Variants in TRPM1 observed in about 807,000 individuals in gnomAD.
TRPM1 encodes the protein transient receptor potential cation channel subfamily M member 1.
TRPM1 carries 113 observed loss-of-function variants against 149.4 expected under a neutral mutation model. That is an observed-to-expected ratio of 0.76 (90% confidence interval 0.65 to 0.88). TRPM1 has a LOEUF of 0.88. Among genes scored for constraint, TRPM1 ranks in the 40% least tolerant of loss-of-function variants. The pLI is 0.00. For missense variants in TRPM1, 1,976 were observed against 2,038.7 expected (o/e 0.97, Z 0.59); for synonymous variants, 741 against 759.5 (o/e 0.98, Z 0.40).
In TRPM1 at chr15:31,032,812, C is replaced by T; in HGVS notation, c.2829G>A (p.Gln943=). Reference sequence around the variant, plus strand: ...TCACCCGGCCATAGCCCATGTAGGGCTGGTTCTGTAGGCGAAGAATTGCTC... The same window carrying T: ...TCACCCGGCCATAGCCCATGTAGGGTTGGTTCTGTAGGCGAAGAATTGCTC... ...MIGAILRLQN[Q]PYMGYGRVIY... Residue 943 remains glutamine (Q), a synonymous_variant, in exon 22 of 28, where the codon CAG becomes CAA. Coordinates refer to ENST00000256552, the MANE Select transcript of TRPM1 (RefSeq NM_001252024.2). The T allele has an allele frequency of 6.2e-7, 1 of 1,614,180 alleles. No homozygotes were observed. Among genetic ancestry groups the T allele is most frequent in the Non-Finnish European group, 8.5e-7 (1 of 1,180,038 alleles).
rs762677240 is a variant in TRPM1 at position 31,026,996 on chromosome 15, T to C, written c.3415A>G (p.Ile1139Val). 2 of 1,614,190 alleles carry C rather than the reference T, an allele frequency of 1.2e-6. No homozygotes were observed. The highest frequency in any genetic ancestry group is 2.2e-5 in the East Asian group (1 of 44,890). The change falls in exon 26 of 28, where the codon ATC (isoleucine) becomes GTC (valine). Residue 1139 changes from isoleucine to valine, a missense_variant. Physicochemically the swap from Ile to Val is conservative, Grantham distance 29. Transcript: ENST00000256552. The part of the protein sequence containing the change: ...LPPPMIILSH[I>V]YIIIMRLSGR... ...CTGAGACGCATAATGATGATGTAGA[T>C]GTGGCTTAAAATGATCATCGGTGGG...
intron 11 of TRPM1, chr15:31,060,258 TTTC>T (rs2034191045): frequency 1.2e-5 from 6 of 503,696 alleles, no homozygotes; most frequent in East Asian, 3.7e-5. Context: ...AGCTATTTTA[TTTC>T]TTCTTCTTTT....
chr15:31,081,255 A>G, intron 2 of TRPM1, 98 bp downstream of exon 2: 1 of 817,094 alleles, frequency 1.2e-6, no homozygotes, highest in Non-Finnish European at 2.0e-6. Flanking sequence ...GCTTCACTGG[A>G]AATCCGTCTT....
intron 1 of TRPM1, among the ~76,000 whole-genome samples, chr15:31,158,205 A>G (rs540778231): frequency 6.6e-6 from 1 of 152,278 alleles, no homozygotes; most frequent in African/African-American, 2.4e-5. Context: ...AAGTTTTTGT[A>G]GGAGTTTGGC....
intron 1 of TRPM1, among the ~76,000 whole-genome samples, chr15:31,084,013 G>A (rs1484614701): frequency 6.6e-6 from 1 of 152,094 alleles, no homozygotes; most frequent in Non-Finnish European, 1.5e-5. Flanking sequence ...TGCAGGAAAT[G>A]CTGGAGGTCG....
chr15:31,070,464 A>C (rs1472673922), intron 3 of TRPM1: 1 of 698,362 alleles, frequency 1.4e-6, no homozygotes, highest in Non-Finnish European at 2.6e-6. Context: ...GCTCTTTCGG[A>C]AAATATTTCA....
rs753764983 is a variant in TRPM1 at position 31,031,164 on chromosome 15, A to G, written c.2953-7T>C. The stretch of plus-strand genomic sequence containing the variant: ...AGTACAGCATGTCGATCATCTGAGT[A>G]AGGAGAACATTTGTCTCTCACTGTC... On this transcript the variant is annotated splice_region_variant and splice_polypyrimidine_tract_variant and intron_variant, in intron 22 of 27. Coordinates refer to ENST00000256552, the MANE Select transcript of TRPM1 (RefSeq NM_001252024.2). The G allele has an allele frequency of 1.9e-6, 3 of 1,614,222 alleles. No homozygotes were observed. The highest frequency in any genetic ancestry group is 4.5e-5 in the East Asian group (2 of 44,890).
chr15:31,114,526 C>G (rs1032356466), intron 1 of TRPM1, among the ~76,000 whole-genome samples: 3 of 152,120 alleles, frequency 2.0e-5, no homozygotes, highest in Non-Finnish European at 2.9e-5. Flanking sequence ...CACATCTAGT[C>G]AAACGATAGT....
chr15:31,092,872 C>T (rs2035279549), intron 1 of TRPM1, among the ~76,000 whole-genome samples: 1 of 152,148 alleles, frequency 6.6e-6, no homozygotes, highest in African/African-American at 2.4e-5. Flanking sequence ...AATGAGTCAT[C>T]AAAGATACAC....
intron 16 of TRPM1, among the ~76,000 whole-genome samples, chr15:31,045,523 G>C (rs1350630110): frequency 6.6e-6 from 1 of 152,038 alleles, no homozygotes; most frequent in East Asian, 1.9e-4. Flanking sequence ...CACTTTTGGG[G>C]ACTAGTGAAA....
In TRPM1 at chr15:31,056,598, T is replaced by C. The variant is rs372681997; in HGVS notation, c.1263+3946A>G. Among the ~76,000 whole-genome samples, 82 of 152,308 alleles carry C rather than the reference T, an allele frequency of 5.4e-4. 5 individuals are homozygous for C. In the South Asian group the frequency reaches 0.016, roughly 30 times the overall value. On this transcript the variant is annotated intron_variant, in intron 11 of 27. Coordinates refer to ENST00000256552, the MANE Select transcript of TRPM1 (RefSeq NM_001252024.2). ...GAAAGTGTCCCCCAAAGTTCTTGTG[T>C]TGGAAACTGAATCCCCAGTGCAACA... is the stretch of plus-strand genomic sequence containing the variant.
chr15:31,053,571 G>A (rs569039488), intron 11 of TRPM1, among the ~76,000 whole-genome samples: 2 of 152,256 alleles, frequency 1.3e-5, no homozygotes, highest in South Asian at 4.1e-4. Context: ...AGCCAAGATG[G>A]CTATTATCTA....
At position 31,062,605 on chromosome 15, in the gene TRPM1, T is replaced by C. The variant is rs1343068780; in HGVS notation, c.1063A>G (p.Met355Val). 11 of 1,614,208 alleles carry C rather than the reference T, an allele frequency of 6.8e-6. No individual in the cohort carries two copies. Among genetic ancestry groups the C allele is most frequent in the Non-Finnish European group, 9.3e-6 (11 of 1,180,032 alleles). The change falls in exon 9 of 28, where the codon ATG becomes GTG. Residue 355 changes from methionine (M) to valine (V), a missense_variant. This residue lies in a region of TRPM1 where 1,332 missense variants were observed against 1,347.1 expected (regional missense o/e 0.99). Transcript: ENST00000256552. ...AGTTCTTTCTTCTTCATGCACTCCA[T>C]TATAATTGCAAACAGCTGATGTGAT... The part of the protein sequence containing the change: ...AQSHQLFAII[M>V]ECMKKKELVT...
intron 1 of TRPM1, among the ~76,000 whole-genome samples, chr15:31,154,405 G>A (rs1194980415): frequency 6.6e-6 from 1 of 152,194 alleles, no homozygotes; most frequent in East Asian, 1.9e-4. Flanking sequence ...TCCTCCTTCT[G>A]TGAGACAGGA....
intron 1 of TRPM1, among the ~76,000 whole-genome samples, chr15:31,148,397 G>A (rs1254394239): frequency 6.6e-6 from 1 of 152,230 alleles, no homozygotes; most frequent in East Asian, 1.9e-4. Context: ...CTCGGGCGCA[G>A]CTGCACCCTG....
intron 1 of TRPM1, among the ~76,000 whole-genome samples, chr15:31,129,518 C>T (rs193222046): frequency 0.011 from 1,751 of 152,324 alleles, 37 homozygotes; most frequent in African/African-American, 0.04. Flanking sequence ...AGTTTGTCAA[C>T]TTTCTGAAAA....
Position 31,032,755 on chromosome 15 carries a change from G to C in TRPM1, c.2886C>G (p.Ile962Met), listed in dbSNP as rs775174246. Residue 962 changes from isoleucine to methionine, a missense_variant, in exon 22 of 28, where the codon ATC becomes ATG. By Grantham distance (10) the Ile-to-Met change is conservative. Around this residue, in one of 3 missense-constraint regions of TRPM1, gnomAD observed 1,332 missense variants for 1,347.1 expected, o/e 0.99. Coordinates refer to ENST00000256552, the MANE Select transcript of TRPM1 (RefSeq NM_001252024.2). ...TGACACCAAAGATGTCCAGGACACG[G>C]ATGTACCAGAAGATGATATCCACAC... ...IYCVDIIFWY[I>M]RVLDIFGVNK... 3 of 1,614,134 alleles carry C rather than the reference G, an allele frequency of 1.9e-6. No individual in the cohort carries two copies. The highest frequency in any genetic ancestry group is 2.5e-6 in the Non-Finnish European group (3 of 1,180,018).
chr15:31,136,268 C>T (rs976440926), intron 1 of TRPM1, among the ~76,000 whole-genome samples: 4 of 152,080 alleles, frequency 2.6e-5, no homozygotes, highest in Admixed American at 2.0e-4. Context: ...TGTCTGGAGG[C>T]GGAGACATTA....
intron 16 of TRPM1, among the ~76,000 whole-genome samples, chr15:31,042,925 G>A (rs969693038): frequency 1.3e-5 from 2 of 152,156 alleles, no homozygotes; most frequent in Non-Finnish European, 2.9e-5. Flanking sequence ...GACTACTCCA[G>A]GCTAATACTT....
Sources: allele counts gnomAD v4.1 joint callset (sites outside exome capture counted in the v4.1 genomes callset), GRCh38; gene constraint gnomAD v4.1.1; regional missense constraint gnomAD v4.1.1; transcripts MANE v1.5; gene names NCBI Gene and HGNC (gene_info 2026-07-23, HGNC 2026-07-21).